SLC4A1AP: variants seen among roughly 807,000 people sequenced by gnomAD.
The protein encoded by SLC4A1AP is kanadaptin.
In SLC4A1AP, 64 loss-of-function variants were observed where a neutral mutation model predicts 89.7. The observed-to-expected ratio is 0.71, with a 90% CI of 0.58 to 0.88. SLC4A1AP has a LOEUF of 0.88. Among genes scored for constraint, SLC4A1AP ranks in the 40% least tolerant of loss-of-function variants. The pLI is 0.00. For missense variants in SLC4A1AP, 931 were observed against 965.0 expected, an observed-to-expected ratio of 0.96 and a Z score of 0.47; for synonymous variants, 366 against 353.3, an observed-to-expected ratio of 1.04 and a Z score of -0.40.
intron 5 of SLC4A1AP, among the ~76,000 whole-genome samples, chr2:27,673,417 TCCCTC>T (rs1675460792): frequency 5.8e-5 from 2 of 34,726 alleles, no homozygotes; most frequent in African/African-American, 1.3e-4. Context: ...CCTCCCTCCC[TCCCTC>T]CCTCCCTCCC....
chr2:27,674,678 T>C (rs974283833), intron 5 of SLC4A1AP, among the ~76,000 whole-genome samples: 1 of 151,896 alleles, frequency 6.6e-6, no homozygotes, highest in African/African-American at 2.4e-5. Context: ...TTATTGTCCT[T>C]TTTCTCATTT....
exon 2 of SLC4A1AP, chr2:27,665,221 A>T: frequency 6.2e-7 from 1 of 1,613,914 alleles, no homozygotes; most frequent in Non-Finnish European, 8.5e-7. Flanking sequence ...GATGAAGAAG[A>T]GGAAATGGAT....
At chr2:27,674,732 A>C (rs1244670337) in intron 5 of SLC4A1AP, among the ~76,000 whole-genome samples, 1 of 128,046 alleles carries the variant, frequency 7.8e-6, no homozygotes, top group African/African-American at 3.0e-5. Flanking sequence ...TTTTTTTGAG[A>C]TAGAGTTTCA....
chr2:27,689,977 A>G (rs1335952470), intron 12 of SLC4A1AP, among the ~76,000 whole-genome samples: 14 of 152,232 alleles, frequency 9.2e-5, no homozygotes, highest in African/African-American at 2.4e-5. Context: ...AGTGTCATGT[A>G]ACTCACTGGC....
intron 2 of SLC4A1AP, among the ~76,000 whole-genome samples, chr2:27,666,928 C>T (rs952774622): frequency 3.3e-5 from 5 of 151,216 alleles, no homozygotes; most frequent in Admixed American, 6.6e-5. Flanking sequence ...GTGCAGGTAG[C>T]GCGATCTTGG....
exon 1 of SLC4A1AP, chr2:27,664,107 C>A: frequency 6.2e-7 from 1 of 1,614,152 alleles, no homozygotes; most frequent in Non-Finnish European, 8.5e-7. Context: ...GCCCGACATC[C>A]CTCCTCCTCA....
At chr2:27,691,385 G>A (rs1473984960) in intron 12 of SLC4A1AP, among the ~76,000 whole-genome samples, 1 of 151,982 alleles carries the variant, frequency 6.6e-6, no homozygotes, top group Non-Finnish European at 1.5e-5. Flanking sequence ...GGTGTTGCTT[G>A]TAATGTCTCC....
At chr2:27,680,560 T>C (rs1434672218) in intron 8 of SLC4A1AP, among the ~76,000 whole-genome samples, 1 of 151,546 alleles carries the variant, frequency 6.6e-6, no homozygotes, top group Non-Finnish European at 1.5e-5. Context: ...GTGAGTGAGG[T>C]GGGAGGATGG....
intron 2 of SLC4A1AP, among the ~76,000 whole-genome samples, chr2:27,666,679 A>G (rs77000430): frequency 0.012 from 1,849 of 151,850 alleles, 36 homozygotes; most frequent in African/African-American, 0.042. Flanking sequence ...ACAATGTGGT[A>G]GGTAATTTTA....
intron 2 of SLC4A1AP, among the ~76,000 whole-genome samples, chr2:27,666,371 C>CCCCCCCCCCCCG (rs1675322866): frequency 3.7e-5 from 1 of 27,334 alleles, no homozygotes; most frequent in Non-Finnish European, 1.2e-4. Flanking sequence ...CCCCCCCCCC[C>CCCCCCCCCCCCG]ACCCCGCCCC....
intron 5 of SLC4A1AP, among the ~76,000 whole-genome samples, chr2:27,674,709 A>T (rs1392583635): frequency 6.1e-4 from 79 of 129,086 alleles, no homozygotes; most frequent in Middle Eastern, 3.9e-3. Context: ...TTTTTTCCTC[A>T]TTGATTTTTT....
chr2:27,669,174 A>G, intron 4 of SLC4A1AP, 74 bp from the exon 5 acceptor site: 2 of 1,468,840 alleles, frequency 1.4e-6, no homozygotes, highest in South Asian at 1.4e-5. Context: ...AATGACTATT[A>G]TCATAGCATA....
intron 13 of SLC4A1AP, among the ~76,000 whole-genome samples, chr2:27,694,158 A>G (rs1403845047): frequency 1.3e-5 from 2 of 152,182 alleles, no homozygotes; most frequent in African/African-American, 4.8e-5. Flanking sequence ...TCACAAGACA[A>G]CCAATTGTTG....
At chr2:27,690,486 A>G (rs1345011043) in intron 12 of SLC4A1AP, among the ~76,000 whole-genome samples, 1 of 151,928 alleles carries the variant, frequency 6.6e-6, no homozygotes, top group Non-Finnish European at 1.5e-5. Flanking sequence ...TTTATTTTTT[A>G]TTTTTATTTT....
exon 8 of SLC4A1AP, chr2:27,677,804 C>A: frequency 6.2e-7 from 1 of 1,613,722 alleles, no homozygotes; most frequent in South Asian, 1.1e-5. Context: ...TCAGGCAGTA[C>A]ATTAGATGGT....
exon 9 of SLC4A1AP, chr2:27,682,349 G>T: frequency 6.2e-7 from 1 of 1,604,612 alleles, no homozygotes; most frequent in South Asian, 1.1e-5. Context: ...TTAAAAACTG[G>T]AACAGTAGGG....
intron 5 of SLC4A1AP, among the ~76,000 whole-genome samples, chr2:27,669,956 C>G (rs181651630): frequency 1.3e-5 from 2 of 152,168 alleles, no homozygotes; most frequent in Non-Finnish European, 2.9e-5. Flanking sequence ...CTCTGCCTCC[C>G]GGGTTCAAGC....
intron 2 of SLC4A1AP, among the ~76,000 whole-genome samples, chr2:27,666,561 T>A (rs555956440): frequency 6.6e-6 from 1 of 152,156 alleles, no homozygotes; most frequent in African/African-American, 2.4e-5. Flanking sequence ...AGTAGACCAG[T>A]CTATTTGGCA....
chr2:27,682,024 A>G (rs545178509), intron 8 of SLC4A1AP, among the ~76,000 whole-genome samples: 2 of 152,302 alleles, frequency 1.3e-5, no homozygotes, highest in Admixed American at 1.3e-4. Flanking sequence ...TACTTGACTA[A>G]GGGAGCAGCC....
Sources: gnomAD v4.1 joint callset for allele counts (sites outside exome capture counted in the v4.1 genomes callset) on GRCh38, gnomAD v4.1.1 for gene constraint, MANE v1.5 for transcripts, NCBI Gene and HGNC (gene_info 2026-07-23, HGNC 2026-07-21) for gene names.